Variants in TULP3 observed in about 807,000 individuals in gnomAD.
The protein encoded by TULP3 is TUB like protein 3.
In TULP3, 38 loss-of-function variants were observed where a neutral mutation model predicts 50.7. The ratio of observed to expected loss-of-function variants is 0.75; its 90% confidence interval spans 0.58 to 0.98. The LOEUF is 0.98. TULP3 is among the 50% of genes least tolerant of loss of function. The pLI is 0.00. For missense variants in TULP3, 550 were observed against 568.0 expected (o/e 0.97, Z 0.32); for synonymous variants, 183 against 196.6 (o/e 0.93, Z 0.58).
At chr12:2,903,354 G>A (rs1427921848) in intron 1 of TULP3, among the ~76,000 whole-genome samples, 1 of 151,618 alleles carries the variant, frequency 6.6e-6, no homozygotes, top group Non-Finnish European at 1.5e-5. Context: ...CCTGAGGTCG[G>A]GAGTTCAAGT....
chr12:2,906,153 C>T (rs1425012778), intron 1 of TULP3, among the ~76,000 whole-genome samples: 1 of 151,110 alleles, frequency 6.6e-6, no homozygotes, highest in Non-Finnish European at 1.5e-5. Flanking sequence ...GCCTCAGTCT[C>T]CTAAGTAGCT....
At chr12:2,923,175 A>G (rs961660886) in intron 4 of TULP3, among the ~76,000 whole-genome samples, 11 of 152,224 alleles carry the variant, frequency 7.2e-5, no homozygotes, top group African/African-American at 2.4e-4. Flanking sequence ...TAATTTTATA[A>G]TGAGAAGGGA....
chr12:2,894,585 G>T lies in TULP3; in HGVS notation c.41+3597G>T, dbSNP rs1289778405. On this transcript the variant is annotated intron_variant, in intron 1 of 10. Coordinates refer to ENST00000448120, the MANE Select transcript of TULP3 (RefSeq NM_003324.5). ...CACACACGCACGCACACAAAAAAGAGATCTGTCAAGATAAAAAGCTCAATA... is the reference window on the plus strand; with the variant it reads ...CACACACGCACGCACACAAAAAAGATATCTGTCAAGATAAAAAGCTCAATA... 4.7e-5 allele frequency among the ~76,000 whole-genome samples: 7 copies of T among 150,012 alleles called. No homozygotes were observed. The East Asian group carries it at 5.9e-4, about 13-fold the overall frequency.
In TULP3 at chr12:2,934,483, C is replaced by T. The variant is rs199532573; in HGVS notation, c.846C>T (p.Asp282=). Residue 282 remains aspartate, a synonymous_variant, in exon 8 of 11, where the codon GAC becomes GAT. Coordinates refer to ENST00000448120, the MANE Select transcript of TULP3 (RefSeq NM_003324.5). The stretch of plus-strand genomic sequence containing the variant: ...TGGGGACCAAGTTTACAGTTTATGA[C>T]CGTGGCATCTGCCCCATGAAGGGCC... ...NLMGTKFTVY[D]RGICPMKGRG... 1.9e-6 allele frequency: 3 copies of T among 1,604,664 alleles called. No individual in the cohort carries two copies. The highest frequency in any genetic ancestry group is 2.3e-5 in the East Asian group (1 of 44,000).
chr12:2,926,102 G>A (rs1473856755), intron 4 of TULP3, among the ~76,000 whole-genome samples: 2 of 152,192 alleles, frequency 1.3e-5, no homozygotes, highest in South Asian at 4.1e-4. Flanking sequence ...AGATTCACGG[G>A]AACTGAGTTC....
In TULP3 at chr12:2,933,500, G is replaced by T; in HGVS notation, c.779G>T (p.Arg260Leu). The T allele has an allele frequency of 1.9e-6, 3 of 1,613,848 alleles. No individual in the cohort carries two copies. The highest frequency in any genetic ancestry group is 2.5e-6 in the Non-Finnish European group (3 of 1,179,872). The change falls in exon 7 of 11, where the codon CGT (arginine) becomes CTT (leucine). Residue 260 changes from arginine (R) to leucine (L), a missense_variant. Arg to Leu is a moderately radical substitution (Grantham distance 102). Coordinates refer to ENST00000448120, the MANE Select transcript of TULP3 (RefSeq NM_003324.5). ...TCCATTGATCCAGTTGATTTATCTC[G>T]TGAAGGAGAAAGTTATGTCGGCAAG... is the stretch of plus-strand genomic sequence containing the variant. ...LISIDPVDLS[R>L]EGESYVGKLR...
intron 2 of TULP3, among the ~76,000 whole-genome samples, chr12:2,912,810 C>T (rs2098186371): frequency 6.6e-6 from 1 of 152,086 alleles, no homozygotes; most frequent in African/African-American, 2.4e-5. Flanking sequence ...TTGTAAAATG[C>T]TATTTATAGT....
intron 2 of TULP3, among the ~76,000 whole-genome samples, chr12:2,917,193 G>C (rs150979392): frequency 6.6e-6 from 1 of 152,216 alleles, no homozygotes; most frequent in South Asian, 2.1e-4. Flanking sequence ...CTGGGAATAC[G>C]ATACCTAAGA....
chr12:2,927,366 A>ATTTTTT (rs71057864), intron 4 of TULP3, among the ~76,000 whole-genome samples: 3 of 105,186 alleles, frequency 2.9e-5, no homozygotes, highest in Admixed American at 1.1e-4. Context: ...GTTGAGACTG[A>ATTTTTT]TTTTTTTTTT....
At chr12:2,903,677 G>A (rs2098180538) in intron 1 of TULP3, among the ~76,000 whole-genome samples, 1 of 152,022 alleles carries the variant, frequency 6.6e-6, no homozygotes, top group East Asian at 1.9e-4. Flanking sequence ...TTTTATACCT[G>A]ATTTTAAAAA....
At chr12:2,914,597 G>T (rs2098187553) in intron 2 of TULP3, among the ~76,000 whole-genome samples, 1 of 152,158 alleles carries the variant, frequency 6.6e-6, no homozygotes, top group Non-Finnish European at 1.5e-5. Flanking sequence ...TTCCTGTTGA[G>T]TATATCTTGC....
At chr12:2,903,689 T>C (rs1030285804) in intron 1 of TULP3, among the ~76,000 whole-genome samples, 1 of 152,160 alleles carries the variant, frequency 6.6e-6, no homozygotes, top group Non-Finnish European at 1.5e-5. Flanking sequence ...TTTTAAAAAA[T>C]CTTTTTAGAC....
At position 2,920,845 on chromosome 12, in the gene TULP3, G is replaced by A. The variant is rs139350068; in HGVS notation, c.176G>A (p.Arg59Gln). The change falls in exon 3 of 11, where the codon CGG becomes CAG. Residue 59 changes from arginine to glutamine, a missense_variant. Coordinates refer to ENST00000448120, the MANE Select transcript of TULP3 (RefSeq NM_003324.5). ...VQPNPEARLR[R>Q]AKPRASDEQT... is the part of the protein sequence containing the mutation. ...CCCAATCCAGAAGCCAGGCTACGTCGGGCAAAGCCAAGGGCCAGTGATGAG... is the reference window on the plus strand; with the variant it reads ...CCCAATCCAGAAGCCAGGCTACGTCAGGCAAAGCCAAGGGCCAGTGATGAG... 1.9e-4 allele frequency: 305 copies of A among 1,613,972 alleles called. No homozygotes were observed. Among genetic ancestry groups the A allele is most frequent in the Non-Finnish European group, 2.4e-4 (278 of 1,180,046 alleles).
intron 4 of TULP3, among the ~76,000 whole-genome samples, chr12:2,923,196 C>T (rs954583242): frequency 2.0e-5 from 3 of 152,012 alleles, no homozygotes; most frequent in Non-Finnish European, 4.4e-5. Context: ...TTAAGCATCC[C>T]CTTTGCAGAT....
chr12:2,921,975 C>T (rs1216872313), intron 3 of TULP3, among the ~76,000 whole-genome samples: 3 of 151,908 alleles, frequency 2.0e-5, no homozygotes, highest in Non-Finnish European at 4.4e-5. Flanking sequence ...CCCAGCTACT[C>T]GGGGGACTGA....
In TULP3 at chr12:2,922,123, A is replaced by G. The variant is rs569129207; in HGVS notation, c.254-139A>G. 3.2e-5 allele frequency: 34 copies of G among 1,055,496 alleles called. No homozygotes were observed. In the African/African-American group the frequency reaches 5.3e-4, roughly 17 times the overall value. 65.4% of individuals were successfully genotyped at this position (1,055,496 alleles called of 1,614,324 possible). A position where few individuals can be genotyped will look rare whatever the true frequency, so the allele number is the denominator to read the frequency against. On this transcript the variant is annotated intron_variant, in intron 3 of 10. Coordinates refer to ENST00000448120, the MANE Select transcript of TULP3 (RefSeq NM_003324.5). ...CAGTTCTGACCTTCTCTCTTAACAA[A>G]TGTTCTTATGGATGTTAAGAAAGGA...
chr12:2,924,654 C>T (rs1193429147), intron 4 of TULP3, among the ~76,000 whole-genome samples: 6 of 151,364 alleles, frequency 4.0e-5, no homozygotes, highest in Non-Finnish European at 7.4e-5. Context: ...GCACTCCAGC[C>T]TGGGTGACAG....
chr12:2,925,423 CAA>C (rs916263442), intron 4 of TULP3, among the ~76,000 whole-genome samples: 5 of 152,058 alleles, frequency 3.3e-5, no homozygotes, highest in East Asian at 1.9e-4. Context: ...TGAGAAGAGA[CAA>C]GAGAGGTACC....
intron 1 of TULP3, among the ~76,000 whole-genome samples, chr12:2,899,918 ACAAAAAAAAC>A (rs2098178072): frequency 5.5e-5 from 3 of 54,732 alleles, no homozygotes; most frequent in African/African-American, 9.2e-5. Context: ...AAAAAAAAAA[ACAAAAAAAAC>A]TTGGAGACGG....
Sources: gnomAD v4.1 joint callset for allele counts (sites outside exome capture counted in the v4.1 genomes callset) on GRCh38, gnomAD v4.1.1 for gene constraint, MANE v1.5 for transcripts, NCBI Gene and HGNC (gene_info 2026-07-23, HGNC 2026-07-21) for gene names.